CADM2: variants seen among roughly 807,000 people sequenced by gnomAD.
CADM2 encodes the protein immunoglobulin superfamily member 4D.
A neutral mutation model predicts 49.8 loss-of-function variants in CADM2; 12 were observed. The ratio of observed to expected loss-of-function variants is 0.24; its 90% CI spans 0.15 to 0.39. The LOEUF is 0.39. Ranked by LOEUF, CADM2 falls within the 10% of genes least tolerant of loss-of-function variation. CADM2 has a pLI of 1.00. For synonymous variants in CADM2, 214 were observed against 175.4 expected (o/e 1.22, Z -1.74); for missense variants, 378 against 492.3 (o/e 0.77, Z 2.20).
intron 1 of CADM2, among the ~76,000 whole-genome samples, chr3:85,181,245 T>G (rs2107704568): frequency 6.6e-6 from 1 of 152,280 alleles, no homozygotes; most frequent in South Asian, 2.1e-4. Context: ...TTAAATCTTT[T>G]ATGTGACTAA....
chr3:85,909,561 C>G (rs959612908), intron 5 of CADM2, among the ~76,000 whole-genome samples: 3 of 152,126 alleles, frequency 2.0e-5, no homozygotes, highest in Non-Finnish European at 4.4e-5. Flanking sequence ...GCACTGTACT[C>G]TTGCTCCTCA....
At chr3:85,502,627 G>GA (rs903801208) in intron 1 of CADM2, among the ~76,000 whole-genome samples, 5 of 151,816 alleles carry the variant, frequency 3.3e-5, no homozygotes, top group East Asian at 3.9e-4. Context: ...TTTTAAGTAA[G>GA]AAAAAAAATG....
chr3:85,433,183 T>G (rs1559837543), intron 1 of CADM2, among the ~76,000 whole-genome samples: 1 of 152,046 alleles, frequency 6.6e-6, no homozygotes, highest in Non-Finnish European at 1.5e-5. Context: ...TAATAAAATA[T>G]TAAATATAGA....
chr3:85,287,617 T>G (rs1314445661), intron 1 of CADM2, among the ~76,000 whole-genome samples: 1 of 152,308 alleles, frequency 6.6e-6, no homozygotes, highest in South Asian at 2.1e-4. Flanking sequence ...TCTGATTGTT[T>G]ACTACAAATA....
chr3:85,589,673 C>G (rs955659886), intron 1 of CADM2, among the ~76,000 whole-genome samples: 11 of 152,092 alleles, frequency 7.2e-5, no homozygotes, highest in African/African-American at 2.4e-4. Context: ...TTTCTCTTTG[C>G]TTCTGTTAAG....
chr3:85,728,059 C>A (rs2067775917), intron 2 of CADM2, among the ~76,000 whole-genome samples: 1 of 152,072 alleles, frequency 6.6e-6, no homozygotes, highest in South Asian at 2.1e-4. Flanking sequence ...ATCAATTACT[C>A]TCCAAAACAA....
Position 85,229,424 on chromosome 3 carries a change from A to G in CADM2, c.61+269756A>G, listed in dbSNP as rs895685102. The stretch of plus-strand genomic sequence containing the variant: ...CCTTGTGCTTCCTGGGTGAGGTGAC[A>G]GCCCGCCCTGCTTCAACTCGCCCTC... On this transcript the variant is annotated intron_variant, in intron 1 of 9. Transcript: ENST00000383699. Among the ~76,000 whole-genome samples, 3 of 152,254 alleles carry G rather than the reference A, an allele frequency of 2.0e-5. No individual in the cohort carries two copies. In the East Asian group the frequency reaches 5.8e-4, roughly 30 times the overall value.
chr3:85,900,500 T>A (rs1715966207), intron 5 of CADM2, among the ~76,000 whole-genome samples: 1 of 152,230 alleles, frequency 6.6e-6, no homozygotes, highest in Non-Finnish European at 1.5e-5. Context: ...AAAGAAAATT[T>A]CGGTATGTAT....
intron 7 of CADM2, among the ~76,000 whole-genome samples, chr3:85,940,702 T>C (rs1233491357): frequency 3.9e-5 from 6 of 152,084 alleles, no homozygotes; most frequent in Non-Finnish European, 7.4e-5. Flanking sequence ...TAAGGTGTCA[T>C]ACTTTGAGGC....
chr3:85,849,602 G>C (rs2075014743), intron 3 of CADM2, among the ~76,000 whole-genome samples: 1 of 152,116 alleles, frequency 6.6e-6, no homozygotes, highest in South Asian at 2.1e-4. Flanking sequence ...ACAGCTTTCT[G>C]TGTTATTTAT....
rs1721130847 is a variant in CADM2 at position 85,935,805 on chromosome 3, C to G, written c.739C>G (p.Pro247Ala). The part of the protein sequence containing the change: ...SVKIIPSTPF[P>A]QEGQPLILTC... ...TAAGATTATACCATCGACTCCTTTTCCACAAGAAGGACAGCCTTTAATTTT... is the reference window on the plus strand; with the variant it reads ...TAAGATTATACCATCGACTCCTTTTGCACAAGAAGGACAGCCTTTAATTTT... The change falls in exon 7 of 10, where the codon CCA becomes GCA. Residue 247 changes from proline to alanine, a missense_variant. Transcript: ENST00000383699. 6.2e-7 allele frequency: 1 copy of G among 1,607,080 alleles called. No homozygotes were observed. Among genetic ancestry groups the G allele is most frequent in the African/African-American group, 1.3e-5 (1 of 74,844 alleles).
rs556770842 is a variant in CADM2, at chr3:85,153,144, G to A, written c.61+193476G>A. Among the ~76,000 whole-genome samples the A allele has an allele frequency of 1.7e-4, 26 of 152,216 alleles. 1 individual carries two copies. The highest frequency in any genetic ancestry group is 2.4e-4 in the African/African-American group (10 of 41,542). ...TCCCAGCGTGAGCGACGCAGAAGACGGGTGATTTCTGCATTTCCATCAGAG... is the reference window on the plus strand; with the variant it reads ...TCCCAGCGTGAGCGACGCAGAAGACAGGTGATTTCTGCATTTCCATCAGAG... On this transcript the variant is annotated intron_variant, in intron 1 of 9. Transcript: ENST00000383699.
At chr3:85,310,009 C>A (rs952654333) in intron 1 of CADM2, among the ~76,000 whole-genome samples, 1 of 152,126 alleles carries the variant, frequency 6.6e-6, no homozygotes, top group African/African-American at 2.4e-5. Flanking sequence ...ATAAATTCTT[C>A]TTAGAGCTAA....
chr3:85,471,491 C>T (rs76333920), intron 1 of CADM2, among the ~76,000 whole-genome samples: 105 of 152,116 alleles, frequency 6.9e-4, no homozygotes, highest in East Asian at 7.7e-4. Flanking sequence ...GGACCATAAG[C>T]AATCTGTGCC....
intron 1 of CADM2, among the ~76,000 whole-genome samples, chr3:85,015,106 T>G (rs1042112560): frequency 6.6e-5 from 10 of 152,152 alleles, no homozygotes; most frequent in Admixed American, 4.6e-4. Context: ...CACGTATACA[T>G]ATATAAGTAT....
intron 1 of CADM2, among the ~76,000 whole-genome samples, chr3:85,255,673 A>G (rs75987623): frequency 6.6e-6 from 1 of 152,092 alleles, no homozygotes; most frequent in African/African-American, 2.4e-5. Context: ...TTCATATTCA[A>G]AATCTTCCTC....
intron 1 of CADM2, among the ~76,000 whole-genome samples, chr3:85,503,269 A>C (rs1414099171): frequency 2.6e-5 from 4 of 152,150 alleles, no homozygotes; most frequent in African/African-American, 9.7e-5. Flanking sequence ...TCATTTCTGG[A>C]TTTGCATAAG....
At chr3:86,063,590 T>C (rs1027663114) in intron 8 of CADM2, among the ~76,000 whole-genome samples, 2 of 152,230 alleles carry the variant, frequency 1.3e-5, no homozygotes, top group Admixed American at 6.5e-5. Context: ...ATAGCTTTTA[T>C]AGTCCACATT....
intron 1 of CADM2, among the ~76,000 whole-genome samples, chr3:84,996,724 G>A (rs1362068954): frequency 1.3e-5 from 2 of 151,950 alleles, no homozygotes; most frequent in Non-Finnish European, 2.9e-5. Context: ...TAGTCTATTT[G>A]TCTAATATCA....
Sources: gnomAD v4.1 joint callset for allele counts (sites outside exome capture counted in the v4.1 genomes callset) on GRCh38, gnomAD v4.1.1 for gene constraint, MANE v1.5 for transcripts, NCBI Gene and HGNC (gene_info 2026-07-23, HGNC 2026-07-21) for gene names.